Variants in CHL1 observed in about 807,000 individuals in gnomAD.
CHL1 encodes neural cell adhesion molecule L1-like protein.
CHL1 carries 96 observed loss-of-function variants against 141.9 expected under a neutral mutation model. The observed-to-expected ratio is 0.68, with a 90% CI of 0.57 to 0.80. The LOEUF is 0.80. Ranked by LOEUF, CHL1 falls within the 30% of genes least tolerant of loss-of-function variation. The pLI, the probability that CHL1 is intolerant of heterozygous loss-of-function variation, is 0.00. For synonymous variants in CHL1, 613 were observed against 502.2 expected, an observed-to-expected ratio of 1.22 and a Z score of -2.95; for missense variants, 1,820 against 1,457.2, an observed-to-expected ratio of 1.25 and a Z score of -4.05.
At chr3:336,608 A>G (rs923205634) in intron 5 of CHL1, among the ~76,000 whole-genome samples, 7 of 120,494 alleles carry the variant, frequency 5.8e-5, no homozygotes, top group African/African-American at 2.0e-4. Flanking sequence ...GAGATACAGA[A>G]AAAGGTAAAG....
chr3:336,785 A>T lies in CHL1; in HGVS notation c.386-4009A>T, dbSNP rs564392985. 9.8e-5 allele frequency among the ~76,000 whole-genome samples: 15 copies of T among 152,324 alleles called. No individual in the cohort carries two copies. In the East Asian group the frequency reaches 2.9e-3, roughly 29 times the overall value. ...ATATTATGTTGAAATAATTGGGATG[A>T]TGAGTTTTCAAAACTCATTGACAGC... On this transcript the variant is annotated intron_variant, in intron 5 of 27. Transcript: ENST00000256509.
intron 2 of CHL1, among the ~76,000 whole-genome samples, chr3:278,678 C>CT (rs1696371345): frequency 6.6e-6 from 1 of 152,108 alleles, no homozygotes; most frequent in Non-Finnish European, 1.5e-5. Flanking sequence ...TTTACTGTTC[C>CT]TTTCAAGAAG....
At chr3:314,368 T>TATATATA (rs1368911821) in intron 2 of CHL1, among the ~76,000 whole-genome samples, 39 of 134,042 alleles carry the variant, frequency 2.9e-4, no homozygotes, top group African/African-American at 1.1e-3. Flanking sequence ...TATATATATA[T>TATATATA]ATCTGCTTCA....
At chr3:292,237 C>T (rs532064642) in intron 2 of CHL1, among the ~76,000 whole-genome samples, 124 of 152,288 alleles carry the variant, frequency 8.1e-4, no homozygotes, top group African/African-American at 2.9e-3. Context: ...GTCAAAACTG[C>T]CAAAGGCTGT....
intron 1 of CHL1, among the ~76,000 whole-genome samples, chr3:222,612 G>T (rs1205062275): frequency 6.6e-6 from 1 of 152,156 alleles, no homozygotes; most frequent in Non-Finnish European, 1.5e-5. Context: ...ACTTGTAAAT[G>T]ATTTGGAAGT....
At chr3:395,852 T>C (rs1219416092) in intron 24 of CHL1, among the ~76,000 whole-genome samples, 1 of 152,130 alleles carries the variant, frequency 6.6e-6, no homozygotes, top group Admixed American at 6.5e-5. Context: ...GAAAGAAACA[T>C]CACAGAGGGG....
intron 2 of CHL1, among the ~76,000 whole-genome samples, chr3:314,822 C>T (rs1265706723): frequency 6.6e-6 from 1 of 152,020 alleles, no homozygotes; most frequent in Non-Finnish European, 1.5e-5. Flanking sequence ...CAAAAGCCTA[C>T]CAGATTCAAG....
chr3:386,584 G>T (rs948290331), intron 19 of CHL1, among the ~76,000 whole-genome samples: 6 of 152,076 alleles, frequency 3.9e-5, no homozygotes, highest in African/African-American at 1.4e-4. Context: ...ATATGTATGT[G>T]AATTTTTAAC....
chr3:341,117 G>A (rs1702314070), intron 6 of CHL1, among the ~76,000 whole-genome samples: 1 of 152,102 alleles, frequency 6.6e-6, no homozygotes, highest in Non-Finnish European at 1.5e-5. Context: ...CTTACCTTTG[G>A]AATATAGATC....
intron 9 of CHL1, among the ~76,000 whole-genome samples, chr3:345,101 C>A (rs896829696): frequency 6.6e-6 from 1 of 152,180 alleles, no homozygotes; most frequent in Admixed American, 6.5e-5. Flanking sequence ...CAGGCAGTAA[C>A]AGGCTCATAA....
intron 1 of CHL1, chr3:197,769 G>A: frequency 2.2e-6 from 1 of 455,470 alleles, no homozygotes; most frequent in South Asian, 1.6e-5. Context: ...AGGGCGCGCC[G>A]GGGGCCGTGG....
rs1279805955 is a variant in CHL1, at chr3:196,950, A to G, written c.-288A>G. On this transcript the variant is annotated 5_prime_UTR_variant, in exon 1 of 28. Transcript: ENST00000256509. ...CAGCGGCCGGCGAGACCCTCCCTGG[A>G]TCCGCCCAGAGCTTACCGGACCCTG... is the stretch of plus-strand genomic sequence containing the variant. 1 of 152,214 alleles carries G rather than the reference A, an allele frequency of 6.6e-6. No homozygotes were observed. Among genetic ancestry groups the G allele is most frequent in the Non-Finnish European group, 1.5e-5 (1 of 68,112 alleles). 9.4% of individuals were successfully genotyped at this position (152,214 alleles called of 1,614,324 possible).
chr3:327,065 A>G (rs753451278), intron 4 of CHL1, among the ~76,000 whole-genome samples: 27 of 151,972 alleles, frequency 1.8e-4, no homozygotes, highest in Non-Finnish European at 3.4e-4. Flanking sequence ...TAATTAGCTG[A>G]ATTATTATGT....
intron 1 of CHL1, among the ~76,000 whole-genome samples, chr3:241,697 AACCAATAAGG>A (rs1397247071): frequency 6.6e-6 from 1 of 152,030 alleles, no homozygotes. Context: ...CAAAGCACAC[AACCAATAAGG>A]ACCCAAATGT....
intron 15 of CHL1, among the ~76,000 whole-genome samples, chr3:375,526 A>G (rs1706204912): frequency 6.6e-6 from 1 of 151,870 alleles, no homozygotes; most frequent in South Asian, 2.1e-4. Flanking sequence ...TCTCTTTCTA[A>G]CAAATTAGGA....
At chr3:224,788 G>C (rs1021635290) in intron 1 of CHL1, among the ~76,000 whole-genome samples, 1 of 152,194 alleles carries the variant, frequency 6.6e-6, no homozygotes, top group African/African-American at 2.4e-5. Flanking sequence ...TAGCTTCCCT[G>C]TTGGCTACAT....
chr3:318,771 T>G (rs1304247926), intron 2 of CHL1, among the ~76,000 whole-genome samples: 2 of 151,518 alleles, frequency 1.3e-5, no homozygotes, highest in East Asian at 1.9e-4. Context: ...CTTCTATTAG[T>G]GTGAAAACTT....
chr3:209,563 C>CT (rs200294702), intron 1 of CHL1, among the ~76,000 whole-genome samples: 3 of 151,992 alleles, frequency 2.0e-5, no homozygotes, highest in African/African-American at 7.2e-5. Flanking sequence ...GAACCCTAAT[C>CT]TTTTTTTTGT....
chr3:254,710 C>T (rs551552920), intron 2 of CHL1, among the ~76,000 whole-genome samples: 7 of 152,224 alleles, frequency 4.6e-5, no homozygotes, highest in African/African-American at 1.4e-4. Flanking sequence ...AGGGCCTTCT[C>T]GATGCTTCCT....
Sources: allele counts gnomAD v4.1 joint callset (sites outside exome capture counted in the v4.1 genomes callset), GRCh38; gene constraint gnomAD v4.1.1; transcripts MANE v1.5; gene names NCBI Gene and HGNC (gene_info 2026-07-23, HGNC 2026-07-21).